Variants in LARS2 observed in about 807,000 individuals in gnomAD.
The protein encoded by LARS2 is leucyl-tRNA synthetase 2, mitochondrial.
In LARS2, 81 loss-of-function variants were observed where a neutral mutation model predicts 116.6. That is an observed-to-expected ratio of 0.69 (90% CI 0.58 to 0.84). The LOEUF is 0.84. LARS2 is among the 40% of genes least tolerant of loss of function. LARS2 has a pLI of 0.00. For synonymous variants in LARS2, 396 were observed against 407.2 expected (o/e 0.97, Z 0.33); for missense variants, 968 against 1,114.5 (o/e 0.87, Z 1.87).
At chr3:45,446,675 A>G (rs112641866) in intron 6 of LARS2, among the ~76,000 whole-genome samples, 2 of 152,354 alleles carry the variant, frequency 1.3e-5, no homozygotes, top group African/African-American at 4.8e-5. Context: ...TTTCTCATTG[A>G]ACATGCTCTC....
intron 10 of LARS2, 140 bp from the exon 11 acceptor site, chr3:45,485,552 T>C (rs1364065593): frequency 1.8e-6 from 1 of 558,872 alleles, no homozygotes; most frequent in East Asian, 2.8e-5. Flanking sequence ...ATTAATACCC[T>C]TCAAAGGACA....
At chr3:45,466,341 T>C (rs1309254793) in intron 8 of LARS2, among the ~76,000 whole-genome samples, 1 of 152,104 alleles carries the variant, frequency 6.6e-6, no homozygotes, top group Non-Finnish European at 1.5e-5. Context: ...GGAGAGTTAT[T>C]TGAACTTCAA....
At chr3:45,494,102 AG>A (rs374754602) in intron 13 of LARS2, among the ~76,000 whole-genome samples, 1 of 152,148 alleles carries the variant, frequency 6.6e-6, no homozygotes, top group African/African-American at 2.4e-5. Flanking sequence ...GGGTTCCCCG[AG>A]GGCTCTCTCT....
At chr3:45,474,174 G>T in intron 8 of LARS2, 69 bp from the exon 9 acceptor site, 2 of 960,258 alleles carry the variant, frequency 2.1e-6, no homozygotes, top group South Asian at 1.6e-5. Context: ...TTAACAAGCT[G>T]CAAATCATTT....
chr3:45,422,577 T>C (rs1698532224), intron 6 of LARS2, among the ~76,000 whole-genome samples: 1 of 152,216 alleles, frequency 6.6e-6, no homozygotes, highest in Non-Finnish European at 1.5e-5. Flanking sequence ...ATCCCTTCTC[T>C]TTGTTGATTT....
intron 4 of LARS2, among the ~76,000 whole-genome samples, chr3:45,409,991 T>A (rs1425516451): frequency 6.6e-6 from 1 of 152,230 alleles, no homozygotes; most frequent in Non-Finnish European, 1.5e-5. Context: ...TAGAAATGAA[T>A]AAGTGTATTA....
rs374736561 is a variant in LARS2, at chr3:45,399,170, G to A, written c.235-1075G>A. On this transcript the variant is annotated intron_variant, in intron 3 of 21. Coordinates refer to ENST00000645846, the MANE Select transcript of LARS2 (RefSeq NM_015340.4). Reference sequence around the variant, plus strand: ...ACAACAACCTTCTCCCTTTTTAAAAGGATCTTCTCATTACCTTCCCATTTC... The same window carrying A: ...ACAACAACCTTCTCCCTTTTTAAAAAGATCTTCTCATTACCTTCCCATTTC... Among the ~76,000 whole-genome samples the A allele has an allele frequency of 1.4e-3, 218 of 152,244 alleles. 1 individual carries two copies. The highest frequency in any genetic ancestry group is 4.9e-3 in the African/African-American group (204 of 41,536).
At chr3:45,461,394 A>G (rs1699322904) in intron 8 of LARS2, among the ~76,000 whole-genome samples, 1 of 151,886 alleles carries the variant, frequency 6.6e-6, no homozygotes, top group African/African-American at 2.4e-5. Context: ...AGAAAAGTAT[A>G]TGATGGGTTT....
At chr3:45,400,749 A>G (rs987644833) in intron 4 of LARS2, among the ~76,000 whole-genome samples, 9 of 152,202 alleles carry the variant, frequency 5.9e-5, no homozygotes, top group Non-Finnish European at 1.2e-4. Flanking sequence ...TATGAGTGGC[A>G]GGTGAGACTG....
At chr3:45,399,407 C>T (rs539629871) in intron 3 of LARS2, among the ~76,000 whole-genome samples, 87 of 152,150 alleles carry the variant, frequency 5.7e-4, no homozygotes, top group African/African-American at 2.0e-3. Context: ...GAGCTTCCTT[C>T]GGAAAAACAA....
At chr3:45,474,759 T>A (rs757918449) in intron 9 of LARS2, among the ~76,000 whole-genome samples, 11 of 152,210 alleles carry the variant, frequency 7.2e-5, no homozygotes, top group Admixed American at 6.5e-5. Context: ...CAGGGGTCCA[T>A]GAACTCCCTG....
At chr3:45,524,204 A>T in intron 20 of LARS2, 96 bp downstream of exon 20, 1 of 780,626 alleles carries the variant, frequency 1.3e-6, no homozygotes, top group Non-Finnish European at 2.2e-6. Context: ...GTCCTCAGAT[A>T]TAGGGTCCAA....
rs1476878916 is a variant in LARS2, at chr3:45,541,838, T to C, written c.2414T>C (p.Leu805Pro). ...VTSEIWAGLA[L>P]VPRKLCAHYT... ...TGCCTCGGCATTGCAGGCCTGGCGC[T>C]GGTGCCGAGGAAGCTCTGTGCCCAC... The change falls in exon 21 of 22, where the codon CTG becomes CCG. Residue 805 changes from leucine (L) to proline (P), a missense_variant. Coordinates refer to ENST00000645846, the MANE Select transcript of LARS2 (RefSeq NM_015340.4). 6.2e-7 allele frequency: 1 copy of C among 1,614,186 alleles called. No individual in the cohort carries two copies. The highest frequency in any genetic ancestry group is 8.5e-7 in the Non-Finnish European group (1 of 1,180,010).
chr3:45,474,186 C>G, intron 8 of LARS2, 57 bp from the exon 9 acceptor site: 1 of 1,145,726 alleles, frequency 8.7e-7, no homozygotes, highest in Non-Finnish European at 1.3e-6. Flanking sequence ...AAATCATTTG[C>G]TTTTTCTTAA....
intron 4 of LARS2, among the ~76,000 whole-genome samples, chr3:45,414,605 C>T (rs915458442): frequency 1.3e-5 from 2 of 152,070 alleles, no homozygotes; most frequent in Admixed American, 6.6e-5. Context: ...GGCAGTGGCT[C>T]ATGCCTGTAA....
intron 6 of LARS2, among the ~76,000 whole-genome samples, chr3:45,423,003 T>C (rs1223850892): frequency 1.3e-5 from 2 of 152,356 alleles, no homozygotes; most frequent in East Asian, 3.9e-4. Context: ...TTAAACTTTT[T>C]AAAACATAGC....
intron 6 of LARS2, among the ~76,000 whole-genome samples, chr3:45,442,042 T>C: frequency 6.6e-6 from 1 of 152,228 alleles, no homozygotes; most frequent in Non-Finnish European, 1.5e-5. Context: ...GACACTTTTA[T>C]GTAGATTTAT....
At chr3:45,508,450 T>C (rs1700230962) in intron 15 of LARS2, among the ~76,000 whole-genome samples, 1 of 152,082 alleles carries the variant, frequency 6.6e-6, no homozygotes, top group Non-Finnish European at 1.5e-5. Flanking sequence ...GAGCCATGGC[T>C]AATACTTAGA....
chr3:45,422,258 G>A (rs189829784), intron 6 of LARS2: 2 of 151,944 alleles, frequency 1.3e-5, no homozygotes, highest in African/African-American at 2.4e-5. Context: ...TTTGAACAGG[G>A]TATGTATGTG....
Sources: gnomAD v4.1 joint callset for allele counts (sites outside exome capture counted in the v4.1 genomes callset) on GRCh38, gnomAD v4.1.1 for gene constraint, MANE v1.5 for transcripts, NCBI Gene and HGNC (gene_info 2026-07-23, HGNC 2026-07-21) for gene names.